Variants in MTHFD2 observed in about 807,000 individuals in gnomAD.
MTHFD2 encodes bifunctional methylenetetrahydrofolate dehydrogenase/cyclohydrolase, mitochondrial.
Under a neutral mutation model 36.8 loss-of-function variants are expected in MTHFD2, and 26 were observed. The observed-to-expected ratio is 0.71, with a 90% CI of 0.52 to 0.98. MTHFD2 has a LOEUF of 0.98. MTHFD2 is among the 50% of genes least tolerant of loss of function. MTHFD2 has a pLI of 0.00. For synonymous variants in MTHFD2, 164 were observed against 155.2 expected (o/e 1.06, Z -0.42); for missense variants, 373 against 434.0 (o/e 0.86, Z 1.25).
intron 5 of MTHFD2, 74 bp downstream of exon 5, chr2:74,210,123 G>T (rs1393176280): frequency 5.7e-6 from 7 of 1,222,634 alleles, no homozygotes; most frequent in Non-Finnish European, 6.9e-6. Context: ...TCCTGTGCAT[G>T]TTTGGAAGTA....
In MTHFD2 at chr2:74,214,440, C is replaced by T. The variant is rs1694385281; in HGVS notation, c.*198C>T. On this transcript the variant is annotated 3_prime_UTR_variant, in exon 8 of 8. Coordinates refer to ENST00000394053, the MANE Select transcript of MTHFD2 (RefSeq NM_006636.4). ...CACCAGGGAGCATTCCAGTATCATG[C>T]AGGGTCCTGTGATCTAGCCAGGAGC... 4.1e-6 allele frequency: 2 copies of T among 485,208 alleles called. No individual in the cohort carries two copies. The highest frequency in any genetic ancestry group is 3.9e-5 in the African/African-American group (2 of 50,902). The allele number at this position is 485,208 out of a possible 1,614,324, so 30.1% of individuals were successfully genotyped here.
intron 2 of MTHFD2, 86 bp from the exon 3 acceptor site, chr2:74,207,618 G>T: frequency 1.5e-6 from 2 of 1,316,998 alleles, no homozygotes; most frequent in Non-Finnish European, 2.1e-6. Flanking sequence ...TACAAAACCC[G>T]TATGGTAGCC....
At position 74,210,785 on chromosome 2, in the gene MTHFD2, G is replaced by GTTT. The variant is rs71406865; in HGVS notation, c.671-399_671-397dup. Among the ~76,000 whole-genome samples the GTTT allele has an allele frequency of 8.2e-3, 1,087 of 132,022 alleles. 55 individuals are homozygous for GTTT. The highest frequency in any genetic ancestry group is 0.022 in the African/African-American group (748 of 34,288). 86.6% of individuals were successfully genotyped at this position (132,022 alleles called of 152,430 possible). A position where few individuals can be genotyped will look rare whatever the true frequency, so the allele number is the denominator to read the frequency against. On this transcript the variant is annotated intron_variant, in intron 5 of 7. Transcript: ENST00000394053. ...AAACATGGCACAAGCCATTAAGTCA[G>GTTT]TTTTTTTTTTTTTTTTTCCTGGAGA...
Position 74,202,933 on chromosome 2 carries a change from A to T in MTHFD2, c.102-2772A>T, listed in dbSNP as rs115672040. Among the ~76,000 whole-genome samples, 950 of 152,320 alleles carry T rather than the reference A, an allele frequency of 6.2e-3. 12 individuals are homozygous for T. Among genetic ancestry groups the T allele is most frequent in the African/African-American group, 0.021 (861 of 41,564 alleles). Reference sequence around the variant, plus strand: ...TATACCATGGGTATAATTAAATGCTATTATATGTTGTGCCATGCTAGTATT... The same window carrying T: ...TATACCATGGGTATAATTAAATGCTTTTATATGTTGTGCCATGCTAGTATT... On this transcript the variant is annotated intron_variant, in intron 1 of 7. Coordinates refer to ENST00000394053, the MANE Select transcript of MTHFD2 (RefSeq NM_006636.4).
intron 1 of MTHFD2, among the ~76,000 whole-genome samples, chr2:74,199,166 C>T (rs372747276): frequency 6.2e-4 from 94 of 152,306 alleles, no homozygotes; most frequent in African/African-American, 2.0e-3. Context: ...CAGCCCTCGG[C>T]GAGTTGTCCT....
intron 7 of MTHFD2, among the ~76,000 whole-genome samples, chr2:74,213,227 A>G (rs913922495): frequency 6.8e-6 from 1 of 147,566 alleles, no homozygotes; most frequent in Non-Finnish European, 1.5e-5. Context: ...CTTAAGATAG[A>G]ATGTTTATCC....
At chr2:74,212,279 T>G (rs1343981965) in intron 7 of MTHFD2, among the ~76,000 whole-genome samples, 114 of 129,120 alleles carry the variant, frequency 8.8e-4, no homozygotes, top group Admixed American at 1.6e-3. Context: ...TTTTTTTTTT[T>G]TTTTTTGAGA....
rs79250293 is a variant in MTHFD2, at chr2:74,203,451, G to T, written c.102-2254G>T. On this transcript the variant is annotated intron_variant, in intron 1 of 7. Coordinates refer to ENST00000394053, the MANE Select transcript of MTHFD2 (RefSeq NM_006636.4). Reference sequence around the variant, plus strand: ...ATGCAATAAAAAACACTTATTGAAGGCCTAAAGATTGTGAAAGCTTTAAAA... The same window carrying T: ...ATGCAATAAAAAACACTTATTGAAGTCCTAAAGATTGTGAAAGCTTTAAAA... Among the ~76,000 whole-genome samples the T allele has an allele frequency of 4.0e-4, 61 of 152,200 alleles. 3 individuals are homozygous for T. The East Asian group carries it at 0.011, about 27-fold the overall frequency.
At position 74,203,843 on chromosome 2, in the gene MTHFD2, C is replaced by T. The variant is rs185341185; in HGVS notation, c.102-1862C>T. Among the ~76,000 whole-genome samples, 254 of 80,622 alleles carry T rather than the reference C, an allele frequency of 3.2e-3. 1 individual carries two copies. Among genetic ancestry groups the T allele is most frequent in the Non-Finnish European group, 3.5e-3 (156 of 44,128 alleles). The allele number at this position is 80,622 out of a possible 152,430, so 52.9% of individuals were successfully genotyped here. A position where few individuals can be genotyped will look rare whatever the true frequency, so the allele number is the denominator to read the frequency against. ...TTTTACTTAAGGAAGAGATGCTCAT[C>T]TAGTTTAGTTTAGTTTAGTTTAGTT... On this transcript the variant is annotated intron_variant, in intron 1 of 7. Transcript: ENST00000394053.
intron 7 of MTHFD2, among the ~76,000 whole-genome samples, chr2:74,212,236 C>T (rs574276605): frequency 3.6e-5 from 5 of 139,418 alleles, no homozygotes; most frequent in African/African-American, 5.3e-5. Context: ...CCTCTCCCCC[C>T]ACCCCTTTCT....
At chr2:74,211,943 A>AGT in intron 7 of MTHFD2, 77 bp downstream of exon 7, 1 of 690,838 alleles carries the variant, frequency 1.4e-6, no homozygotes, top group Non-Finnish European at 1.9e-6. Flanking sequence ...TAGATTATTT[A>AGT]CTTTTTTTTT....
intron 2 of MTHFD2, 36 bp from the exon 3 acceptor site, chr2:74,207,668 C>CA (rs780977517): frequency 2.0e-5 from 31 of 1,577,436 alleles, no homozygotes; most frequent in Non-Finnish European, 2.7e-5. Flanking sequence ...TTAAATGCCT[C>CA]AAAAATTTTT....
intron 5 of MTHFD2, 30 bp downstream of exon 5, chr2:74,210,079 C>G: frequency 6.4e-7 from 1 of 1,565,372 alleles, no homozygotes; most frequent in African/African-American, 1.4e-5. Flanking sequence ...GGAACACTGT[C>G]CTTTTTTCCC....
Position 74,214,127 on chromosome 2 carries a change from G to A in MTHFD2, c.938G>A (p.Gly313Asp), listed in dbSNP as rs2103841302. ...ATCACTCCAGTTCCTGGAGGTGTTG[G>A]CCCCATGACAGTGGCAATGCTAATG... ...GYITPVPGGV[G>D]PMTVAMLMKN... The change falls in exon 8 of 8, where the codon GGC (glycine) becomes GAC (aspartate). Residue 313 changes from glycine (G) to aspartate (D), a missense_variant. Coordinates refer to ENST00000394053, the MANE Select transcript of MTHFD2 (RefSeq NM_006636.4). 6.2e-7 allele frequency: 1 copy of A among 1,614,066 alleles called. No individual in the cohort carries two copies. The highest frequency in any genetic ancestry group is 1.7e-5 in the Admixed American group (1 of 60,008).
At chr2:74,199,468 C>G (rs542722559) in intron 1 of MTHFD2, among the ~76,000 whole-genome samples, 3 of 152,282 alleles carry the variant, frequency 2.0e-5, no homozygotes, top group East Asian at 1.9e-4. Context: ...GCGGTACTTG[C>G]AGAATTTCAG....
chr2:74,200,265 A>G (rs2103801477), intron 1 of MTHFD2, among the ~76,000 whole-genome samples: 1 of 152,296 alleles, frequency 6.6e-6, no homozygotes, highest in South Asian at 2.1e-4. Flanking sequence ...CCATGGTCCA[A>G]AAGAGATTTA....
intron 2 of MTHFD2, chr2:74,206,097 T>A (rs1694174119): frequency 4.4e-6 from 2 of 450,812 alleles, no homozygotes; most frequent in East Asian, 3.5e-5. Flanking sequence ...TGGTTGGTAT[T>A]CTCTGTGGCT....
At chr2:74,199,878 G>C (rs1432609377) in intron 1 of MTHFD2, among the ~76,000 whole-genome samples, 1 of 152,110 alleles carries the variant, frequency 6.6e-6, no homozygotes, top group East Asian at 1.9e-4. Context: ...GGCATTGTTG[G>C]CATTGTTAGA....
Position 74,214,137 on chromosome 2 carries a change from A to G in MTHFD2, c.948A>G (p.Thr316=), listed in dbSNP as rs749625002. The part of the protein sequence containing the change: ...TPVPGGVGPM[T]VAMLMKNTII... ...TTCCTGGAGGTGTTGGCCCCATGAC[A>G]GTGGCAATGCTAATGAAGAATACCA... Residue 316 remains threonine, a synonymous_variant, in exon 8 of 8, where the codon ACA becomes ACG. Transcript: ENST00000394053. 13 of 1,614,030 alleles carry G rather than the reference A, an allele frequency of 8.1e-6. No individual in the cohort carries two copies. The highest frequency in any genetic ancestry group is 1.3e-5 in the African/African-American group (1 of 74,934).
Sources: gnomAD v4.1 joint callset for allele counts (sites outside exome capture counted in the v4.1 genomes callset) on GRCh38, gnomAD v4.1.1 for gene constraint, MANE v1.5 for transcripts, NCBI Gene and HGNC (gene_info 2026-07-23, HGNC 2026-07-21) for gene names.